SLC2A13: variants seen among roughly 807,000 people sequenced by gnomAD.
SLC2A13 encodes the protein solute carrier family 2 member 13, also known as proton myo-inositol cotransporter.
In SLC2A13, 32 loss-of-function variants were observed where a neutral mutation model predicts 64.4. The ratio of observed to expected loss-of-function variants is 0.50; its 90% CI spans 0.37 to 0.67. The LOEUF is 0.67. Among genes scored for constraint, SLC2A13 ranks in the 30% least tolerant of loss-of-function variants. The pLI is 0.00. For synonymous variants in SLC2A13, 338 were observed against 327.1 expected (o/e 1.03, Z -0.36); for missense variants, 743 against 829.2 (o/e 0.90, Z 1.28).
intron 4 of SLC2A13, among the ~76,000 whole-genome samples, chr12:39,885,451 A>AT (rs1200483669): frequency 6.6e-6 from 1 of 152,090 alleles, no homozygotes; most frequent in Non-Finnish European, 1.5e-5. Flanking sequence ...TATTTGGTAT[A>AT]TTTTTTCCTT....
chr12:39,890,042 T>C (rs949238703), intron 4 of SLC2A13, among the ~76,000 whole-genome samples: 2 of 152,196 alleles, frequency 1.3e-5, no homozygotes, highest in Non-Finnish European at 2.9e-5. Context: ...AATTACTACA[T>C]TGGGTAGAAA....
chr12:39,801,088 G>A (rs1228856042), intron 7 of SLC2A13, among the ~76,000 whole-genome samples: 5 of 46,624 alleles, frequency 1.1e-4, no homozygotes, highest in African/African-American at 4.4e-4. Context: ...ACACTCTGGG[G>A]ACTGTGGTGG....
At chr12:40,057,450 G>A (rs1187804832) in intron 1 of SLC2A13, among the ~76,000 whole-genome samples, 1 of 152,076 alleles carries the variant, frequency 6.6e-6, no homozygotes, top group African/African-American at 2.4e-5. Context: ...TAAAAAGTAG[G>A]TAATATGAAA....
intron 7 of SLC2A13, among the ~76,000 whole-genome samples, chr12:39,825,820 A>C (rs1248031593): frequency 1.3e-5 from 2 of 151,998 alleles, no homozygotes; most frequent in South Asian, 2.1e-4. Flanking sequence ...TCCTCTGCTA[A>C]CTCTACAGGC....
chr12:39,790,225 C>CT (rs946341011), intron 7 of SLC2A13, among the ~76,000 whole-genome samples: 1 of 108,030 alleles, frequency 9.3e-6, no homozygotes, highest in African/African-American at 3.5e-5. Flanking sequence ...TCTTCTTCTT[C>CT]TTTTTTTATT....
intron 4 of SLC2A13, among the ~76,000 whole-genome samples, chr12:39,887,100 C>T (rs758823374): frequency 6.6e-6 from 1 of 152,108 alleles, no homozygotes; most frequent in African/African-American, 2.4e-5. Context: ...AGTTTATGCA[C>T]GCTACACACA....
At chr12:39,879,542 T>C (rs1944289271) in intron 4 of SLC2A13, among the ~76,000 whole-genome samples, 1 of 152,204 alleles carries the variant, frequency 6.6e-6, no homozygotes, top group African/African-American at 2.4e-5. Context: ...GCTTTAATAT[T>C]TAATTACAGC....
chr12:39,833,004 A>C (rs933970974), intron 6 of SLC2A13, among the ~76,000 whole-genome samples: 1 of 152,062 alleles, frequency 6.6e-6, no homozygotes, highest in Non-Finnish European at 1.5e-5. Flanking sequence ...TACACATCTT[A>C]AAGTTTCTTA....
chr12:39,908,325 G>A (rs1438715540), intron 4 of SLC2A13: 4 of 150,874 alleles, frequency 2.7e-5, no homozygotes, highest in Non-Finnish European at 5.9e-5. Flanking sequence ...AGCTTGCTCT[G>A]GGGTTATGAG....
intron 3 of SLC2A13, among the ~76,000 whole-genome samples, chr12:40,010,244 G>A (rs946246697): frequency 1.3e-5 from 2 of 152,212 alleles, no homozygotes; most frequent in Non-Finnish European, 2.9e-5. Flanking sequence ...ACATCACTGA[G>A]CTGAGAGTTG....
chr12:39,899,750 T>A (rs1945033540), intron 4 of SLC2A13, among the ~76,000 whole-genome samples: 2 of 152,178 alleles, frequency 1.3e-5, no homozygotes, highest in Admixed American at 1.3e-4. Flanking sequence ...CCAGTAGTCA[T>A]TCAGGAGCAG....
chr12:40,033,886 A>G (rs1264086730), intron 2 of SLC2A13, among the ~76,000 whole-genome samples: 1 of 152,148 alleles, frequency 6.6e-6, no homozygotes, highest in East Asian at 1.9e-4. Flanking sequence ...TTATTTTTCA[A>G]TCTCTGCATC....
At chr12:40,072,092 C>T (rs1041875393) in intron 1 of SLC2A13, among the ~76,000 whole-genome samples, 1 of 152,094 alleles carries the variant, frequency 6.6e-6, no homozygotes, top group Admixed American at 6.6e-5. Flanking sequence ...GTGAATCCCA[C>T]AAATTTTCAT....
intron 1 of SLC2A13, among the ~76,000 whole-genome samples, chr12:40,088,459 G>A (rs781491038): frequency 6.6e-6 from 1 of 152,040 alleles, no homozygotes; most frequent in Non-Finnish European, 1.5e-5. Context: ...ACTTTTTGAA[G>A]CCAGTCATCA....
chr12:40,023,909 T>C (rs1947762367), intron 3 of SLC2A13, among the ~76,000 whole-genome samples: 1 of 152,248 alleles, frequency 6.6e-6, no homozygotes, highest in Non-Finnish European at 1.5e-5. Context: ...AAAACAGTTA[T>C]ATTATAGAAC....
chr12:39,882,983 T>A (rs561656112), intron 4 of SLC2A13, among the ~76,000 whole-genome samples: 36 of 152,286 alleles, frequency 2.4e-4, no homozygotes, highest in African/African-American at 8.4e-4. Context: ...TTATGAATAT[T>A]TTTTAGGCGC....
intron 1 of SLC2A13, among the ~76,000 whole-genome samples, chr12:40,057,503 G>T (rs189687685): frequency 3.3e-5 from 5 of 152,266 alleles, no homozygotes; most frequent in Non-Finnish European, 7.4e-5. Flanking sequence ...AAAAATTATT[G>T]TGACTCGAGT....
chr12:39,876,023 G>A (rs550715740), intron 4 of SLC2A13, among the ~76,000 whole-genome samples: 1 of 152,222 alleles, frequency 6.6e-6, no homozygotes, highest in Admixed American at 6.5e-5. Context: ...CTCAAAGCAG[G>A]CATACCTTCT....
intron 3 of SLC2A13, among the ~76,000 whole-genome samples, chr12:40,014,424 T>TA (rs1214996435): frequency 6.6e-6 from 1 of 152,196 alleles, no homozygotes; most frequent in Non-Finnish European, 1.5e-5. Flanking sequence ...AAGAATTCCA[T>TA]AAAAAGATTC....
Sources: gnomAD v4.1 joint callset for allele counts (sites outside exome capture counted in the v4.1 genomes callset) on GRCh38, gnomAD v4.1.1 for gene constraint, MANE v1.5 for transcripts, NCBI Gene and HGNC (gene_info 2026-07-23, HGNC 2026-07-21) for gene names.